Variants in CSMD1 observed in about 807,000 individuals in gnomAD.
The protein encoded by CSMD1 is CUB and sushi domain-containing protein 1.
CSMD1 carries 213 observed loss-of-function variants against 417.5 expected under a neutral mutation model. That is an observed-to-expected ratio of 0.51 (90% CI 0.46 to 0.57). The LOEUF is 0.57. CSMD1 is among the 20% of genes least tolerant of loss of function. CSMD1 has a pLI of 0.00. For synonymous variants in CSMD1, 2,862 were observed against 1,736.8 expected, an observed-to-expected ratio of 1.65 and a Z score of -16.11; for missense variants, 6,923 against 4,529.7, an observed-to-expected ratio of 1.53 and a Z score of -15.17.
intron 2 of CSMD1, among the ~76,000 whole-genome samples, chr8:4,426,583 T>C (rs1797570734): frequency 1.4e-5 from 2 of 143,316 alleles, no homozygotes; most frequent in South Asian, 2.2e-4. Flanking sequence ...ATACACAGTA[T>C]GTGCAGTATA....
intron 1 of CSMD1, among the ~76,000 whole-genome samples, chr8:4,828,547 T>TC (rs1323941829): frequency 1.3e-5 from 2 of 152,232 alleles, no homozygotes; most frequent in African/African-American, 2.4e-5. Flanking sequence ...TCCTGTGCCT[T>TC]CCTGTGCTCT....
intron 41 of CSMD1, among the ~76,000 whole-genome samples, chr8:3,133,490 G>T (rs1485122703): frequency 6.6e-6 from 1 of 152,158 alleles, no homozygotes; most frequent in Non-Finnish European, 1.5e-5. Context: ...GGGAGCAGAA[G>T]GCAATCCTGT....
chr8:3,496,825 G>A (rs948673915), intron 10 of CSMD1, among the ~76,000 whole-genome samples: 10 of 151,866 alleles, frequency 6.6e-5, no homozygotes, highest in South Asian at 2.1e-4. Context: ...GTGAGACTCC[G>A]TCTCAAAAAA....
intron 5 of CSMD1, among the ~76,000 whole-genome samples, chr8:3,941,563 G>C (rs1044032270): frequency 2.6e-5 from 4 of 151,980 alleles, no homozygotes; most frequent in South Asian, 2.1e-4. Context: ...GGTTTCCTTG[G>C]ATATTTTACT....
intron 23 of CSMD1, among the ~76,000 whole-genome samples, chr8:3,338,808 TTTC>T (rs1187157220): frequency 2.1e-5 from 3 of 140,358 alleles, no homozygotes; most frequent in Non-Finnish European, 3.1e-5. Context: ...ATCTCCAGCC[TTTC>T]TTTTTTTTTT....
At chr8:3,971,671 G>A (rs138105915) in intron 5 of CSMD1, among the ~76,000 whole-genome samples, 2,586 of 152,154 alleles carry the variant, frequency 0.017, 81 homozygotes, top group African/African-American at 0.06. Context: ...GAACATGGGG[G>A]TACTCAGAGG....
chr8:4,694,829 G>C (rs189191214), intron 1 of CSMD1, among the ~76,000 whole-genome samples: 158 of 152,136 alleles, frequency 1.0e-3, no homozygotes, highest in African/African-American at 3.8e-3. Context: ...AATTGACCGA[G>C]ACCTGTCTCA....
chr8:3,657,029 A>C (rs1217893090), intron 7 of CSMD1, among the ~76,000 whole-genome samples: 6 of 149,658 alleles, frequency 4.0e-5, no homozygotes, highest in Non-Finnish European at 8.9e-5. Context: ...GACATACAGG[A>C]AAGTGTCTGC....
chr8:3,494,998 T>A (rs1299887835), intron 10 of CSMD1, among the ~76,000 whole-genome samples: 1 of 152,170 alleles, frequency 6.6e-6, no homozygotes, highest in African/African-American at 2.4e-5. Flanking sequence ...CAAAAAGGAA[T>A]ACATTACATT....
chr8:3,306,906 A>G (rs764867537), intron 25 of CSMD1, among the ~76,000 whole-genome samples: 1 of 151,716 alleles, frequency 6.6e-6, no homozygotes, highest in Non-Finnish European at 1.5e-5. Flanking sequence ...ATAACTCAGA[A>G]CTCACTATTG....
At chr8:3,577,693 C>A (rs1023495787) in intron 9 of CSMD1, among the ~76,000 whole-genome samples, 2 of 152,206 alleles carry the variant, frequency 1.3e-5, no homozygotes, top group Non-Finnish European at 2.9e-5. Context: ...TCTAACCCTC[C>A]TTCTTAGGAC....
chr8:3,251,903 C>T (rs375784517), intron 26 of CSMD1, among the ~76,000 whole-genome samples: 2 of 152,110 alleles, frequency 1.3e-5, no homozygotes, highest in Admixed American at 6.6e-5. Context: ...GTGATTTTTG[C>T]ACATTGATTT....
intron 5 of CSMD1, among the ~76,000 whole-genome samples, chr8:3,871,303 A>C (rs1173514075): frequency 6.6e-6 from 1 of 152,076 alleles, no homozygotes; most frequent in South Asian, 2.1e-4. Flanking sequence ...TTATACTCCT[A>C]CTAGTAGTGT....
rs921738431 is a variant in CSMD1 at position 3,875,867 on chromosome 8, T to C, written c.819-121825A>G. ...GGATTGCCTTTTGGAAACACTAGAG[T>C]GTGTTCCAAACTTGGTAGGAAATCA... On this transcript the variant is annotated intron_variant, in intron 5 of 69. Transcript: ENST00000635120. 2.6e-5 allele frequency among the ~76,000 whole-genome samples: 4 copies of C among 152,014 alleles called. No homozygotes were observed. The East Asian group carries it at 5.8e-4, about 22-fold the overall frequency.
At chr8:3,595,085 G>C (rs1358095965) in intron 8 of CSMD1, among the ~76,000 whole-genome samples, 7 of 152,154 alleles carry the variant, frequency 4.6e-5, no homozygotes, top group Non-Finnish European at 8.8e-5. Flanking sequence ...AAATGCTTTA[G>C]GTATCCTCTC....
At chr8:3,757,048 T>C (rs1403088954) in intron 5 of CSMD1, among the ~76,000 whole-genome samples, 1 of 152,160 alleles carries the variant, frequency 6.6e-6, no homozygotes, top group African/African-American at 2.4e-5. Flanking sequence ...AGAAATCCTC[T>C]CACCTTTGCC....
chr8:4,949,631 G>T (rs778215304), intron 1 of CSMD1, among the ~76,000 whole-genome samples: 2 of 152,086 alleles, frequency 1.3e-5, no homozygotes, highest in Non-Finnish European at 2.9e-5. Context: ...CCCCAACCAA[G>T]AAGCATCTGA....
chr8:4,221,698 G>C (rs537565777), intron 3 of CSMD1, among the ~76,000 whole-genome samples: 2 of 152,284 alleles, frequency 1.3e-5, no homozygotes, highest in South Asian at 2.1e-4. Flanking sequence ...TCCAGCAATA[G>C]ACTGGAGGCT....
At chr8:3,611,128 T>A (rs1801871885) in intron 8 of CSMD1, among the ~76,000 whole-genome samples, 1 of 150,658 alleles carries the variant, frequency 6.6e-6, no homozygotes, top group South Asian at 2.1e-4. Context: ...ATATACCTAA[T>A]GCTAAATGAC....
Sources: allele counts gnomAD v4.1 joint callset (sites outside exome capture counted in the v4.1 genomes callset), GRCh38; gene constraint gnomAD v4.1.1; transcripts MANE v1.5; gene names NCBI Gene and HGNC (gene_info 2026-07-23, HGNC 2026-07-21).